The following GPM6A variants were observed in gnomAD, a reference collection of about 807,000 sequenced individuals.
GPM6A encodes neuronal membrane glycoprotein M6-a.
In GPM6A, 7 loss-of-function variants were observed where a neutral mutation model predicts 32.1. The observed-to-expected ratio is 0.22, with a 90% confidence interval of 0.12 to 0.41. The LOEUF is 0.41. GPM6A is among the 10% of genes least tolerant of loss of function. The pLI, the probability that GPM6A is intolerant of heterozygous loss-of-function variation, is 1.00. For missense variants in GPM6A, 235 were observed against 347.2 expected, an observed-to-expected ratio of 0.68 and a Z score of 2.57; for synonymous variants, 130 against 123.4, an observed-to-expected ratio of 1.05 and a Z score of -0.35.
intron 2 of GPM6A, among the ~76,000 whole-genome samples, chr4:175,699,438 C>T (rs532912931): frequency 2.0e-5 from 3 of 152,028 alleles, no homozygotes; most frequent in Admixed American, 6.6e-5. Flanking sequence ...TAATGGATAA[C>T]GTCAATTTTT....
chr4:175,827,837 A>G (rs1164311141), intron 1 of GPM6A, among the ~76,000 whole-genome samples: 1 of 152,162 alleles, frequency 6.6e-6, no homozygotes, highest in Non-Finnish European at 1.5e-5. Flanking sequence ...CATTCCGCAC[A>G]AATTTTGGCA....
At chr4:175,918,410 G>A (rs1046073605) in intron 1 of GPM6A, among the ~76,000 whole-genome samples, 1 of 151,920 alleles carries the variant, frequency 6.6e-6, no homozygotes. Context: ...TCTTTAAGTA[G>A]GGAAAAGAAA....
intron 1 of GPM6A, among the ~76,000 whole-genome samples, chr4:175,937,565 T>G (rs910239122): frequency 6.6e-6 from 1 of 152,140 alleles, no homozygotes; most frequent in African/African-American, 2.4e-5. Flanking sequence ...GTTTGATTAA[T>G]GAATGAACAA....
intron 3 of GPM6A, among the ~76,000 whole-genome samples, chr4:175,670,861 A>ATT (rs33998725): frequency 0.14 from 16,790 of 124,106 alleles, 1,575 homozygotes; most frequent in Non-Finnish European, 0.21. Context: ...ATGTTGCTTC[A>ATT]TTTTTTTTTT....
In GPM6A at chr4:175,640,398, C is replaced by T. The variant is rs192820947; in HGVS notation, c.619-204G>A. On this transcript the variant is annotated intron_variant, in intron 5 of 6. Transcript: ENST00000393658. ...AATCCTTTCAACTTCATCATTATAA[C>T]ATAATTTCATTATAAAGATGAGACA... Among the ~76,000 whole-genome samples the T allele has an allele frequency of 2.5e-4, 38 of 152,234 alleles. No individual in the cohort carries two copies. In the East Asian group the frequency reaches 6.0e-3, roughly 24 times the overall value.
chr4:175,689,717 A>T (rs936313329), intron 2 of GPM6A, among the ~76,000 whole-genome samples: 1 of 152,174 alleles, frequency 6.6e-6, no homozygotes, highest in Non-Finnish European at 1.5e-5. Context: ...ATCTCCTACT[A>T]TGATTGTGTC....
intron 2 of GPM6A, among the ~76,000 whole-genome samples, chr4:175,686,629 A>G (rs780195630): frequency 7.2e-5 from 11 of 152,110 alleles, no homozygotes; most frequent in Non-Finnish European, 1.0e-4. Flanking sequence ...TCCCCTACCA[A>G]TCTCCGGGAA....
intron 3 of GPM6A, among the ~76,000 whole-genome samples, chr4:175,653,281 G>T (rs1741904281): frequency 6.6e-6 from 1 of 152,042 alleles, no homozygotes; most frequent in East Asian, 1.9e-4. Flanking sequence ...ATAAAGAGAG[G>T]CAGGAGATCA....
rs1308247644 is a variant in GPM6A, at chr4:175,749,697, A to T, written c.38-47930T>A. On this transcript the variant is annotated intron_variant, in intron 1 of 6. Coordinates refer to ENST00000393658, the MANE Select transcript of GPM6A (RefSeq NM_201591.3). ...TTTCTGTAGGACACCACTTACGAAG[A>T]ATGCATATGTAAAAAGCGATGGATG... Among the ~76,000 whole-genome samples, 4 of 152,318 alleles carry T rather than the reference A, an allele frequency of 2.6e-5. No homozygotes were observed. The East Asian group carries it at 7.7e-4, about 29-fold the overall frequency.
At chr4:175,673,879 T>G (rs986355926) in intron 2 of GPM6A, 43 bp from the exon 3 acceptor site, 7 of 1,369,774 alleles carry the variant, frequency 5.1e-6, no homozygotes, top group Middle Eastern at 1.8e-4. Flanking sequence ...AACTTTTCAT[T>G]GCTGCTGTGC....
chr4:175,696,711 C>T (rs1744600049), intron 2 of GPM6A, among the ~76,000 whole-genome samples: 1 of 152,184 alleles, frequency 6.6e-6, no homozygotes, highest in Non-Finnish European at 1.5e-5. Context: ...TAGTTCAGTA[C>T]AGGCAGTTTA....
rs976964765 is a variant in GPM6A, at chr4:175,768,818, G to A, written c.37+43373C>T. On this transcript the variant is annotated intron_variant, in intron 1 of 6. Coordinates refer to ENST00000393658, the MANE Select transcript of GPM6A (RefSeq NM_201591.3). ...TAGAAAATAAGGTACTATCCTGGCC[G>A]GGTACGGTGGCTCACATCTGTAATC... 7.9e-5 allele frequency among the ~76,000 whole-genome samples: 12 copies of A among 152,126 alleles called. No homozygotes were observed. The South Asian group carries it at 1.2e-3, about 16-fold the overall frequency.
intron 3 of GPM6A, among the ~76,000 whole-genome samples, chr4:175,658,432 T>C (rs921937008): frequency 1.3e-5 from 2 of 152,072 alleles, no homozygotes; most frequent in Admixed American, 1.3e-4. Flanking sequence ...GTGAGAGGGC[T>C]GAATAGGTGG....
intron 1 of GPM6A, among the ~76,000 whole-genome samples, chr4:175,716,870 T>A (rs1253970037): frequency 6.6e-6 from 1 of 152,216 alleles, no homozygotes; most frequent in Non-Finnish European, 1.5e-5. Context: ...AAATAATTTG[T>A]TAAGTATTGC....
At chr4:175,800,798 C>G (rs1579516441) in intron 1 of GPM6A, 1 of 197,132 alleles carries the variant, frequency 5.1e-6, no homozygotes, top group African/African-American at 2.4e-5. Context: ...TAAACTCATC[C>G]TAGAGGATCT....
At chr4:175,816,442 A>T (rs1282714356), upstream of GPM6A, among the ~76,000 whole-genome samples, 1 of 152,202 alleles carries the variant, frequency 6.6e-6, no homozygotes, top group Admixed American at 6.5e-5. Flanking sequence ...ACAATAAGTA[A>T]ATATCGACAT....
intron 3 of GPM6A, chr4:175,654,191 G>A (rs574123138): frequency 1.5e-4 from 23 of 152,184 alleles, no homozygotes; most frequent in South Asian, 6.2e-4. Context: ...CTATCTCTCC[G>A]TTTATTTAAC....
chr4:175,697,282 A>T (rs934241965), intron 2 of GPM6A, among the ~76,000 whole-genome samples: 21 of 152,158 alleles, frequency 1.4e-4, no homozygotes, highest in African/African-American at 5.1e-4. Context: ...TCCCAAATGA[A>T]TCTGCTTCAC....
At chr4:175,833,147 C>T (rs1735665614) in intron 1 of GPM6A, among the ~76,000 whole-genome samples, 1 of 152,158 alleles carries the variant, frequency 6.6e-6, no homozygotes. Context: ...TAAATGTCTT[C>T]TCTGGAGAGG....
Sources: gnomAD v4.1 joint callset for allele counts (sites outside exome capture counted in the v4.1 genomes callset) on GRCh38, gnomAD v4.1.1 for gene constraint, MANE v1.5 for transcripts, NCBI Gene and HGNC (gene_info 2026-07-23, HGNC 2026-07-21) for gene names.